The following RNF212 variants were observed in gnomAD, a reference collection of about 807,000 sequenced individuals.
The protein encoded by RNF212 is ring finger protein 212.
A neutral mutation model predicts 34.7 loss-of-function variants in RNF212; 33 were observed. That is an observed-to-expected ratio of 0.95 (90% CI 0.72 to 1.27). The LOEUF is 1.27. Among genes scored for constraint, RNF212 ranks in the 50% most tolerant of loss-of-function variants. The pLI is 0.00. For missense variants in RNF212, 377 were observed against 362.2 expected (o/e 1.04, Z -0.33); for synonymous variants, 140 against 136.1 (o/e 1.03, Z -0.20).
In RNF212 at chr4:1,059,018, T is replaced by C. The variant is rs200835789; in HGVS notation, n.148-625A>G. ...GCCTTGTAACATGAAAGGGGAGATG[T>C]GACGACTGAGTTCTCAAGCAACACC... On this transcript the variant is annotated intron_variant and non_coding_transcript_variant, in intron 3 of 4. Transcript: ENST00000503206. Among the ~76,000 whole-genome samples the C allele has an allele frequency of 6.4e-4, 98 of 152,350 alleles. 1 individual carries two copies. In the East Asian group the frequency reaches 0.017, roughly 26 times the overall value.
rs1560109428 is a variant in RNF212, at chr4:1,078,955, C to CGGG, written c.510+687_510+688insCCC. ...ACACAGGGTCAACACAGGACCAACA[C>CGGG]AGGACCAACATAGGACCAACACAGG... On this transcript the variant is annotated intron_variant, in intron 8 of 9. Coordinates refer to ENST00000433731, the MANE Select transcript of RNF212 (RefSeq NM_001131034.4). 1.8e-4 allele frequency among the ~76,000 whole-genome samples: 26 copies of CGGG among 142,560 alleles called. 1 individual carries two copies. The highest frequency in any genetic ancestry group is 4.2e-3 in the Middle Eastern group (1 of 240). 93.5% of individuals were successfully genotyped at this position (142,560 alleles called of 152,430 possible).
chr4:1,102,769 G>A lies in RNF212; in HGVS notation c.171+5574C>T, dbSNP rs1033958257. Reference sequence around the variant, plus strand: ...CGGGAGGCTGAGGCAGGGGAATGGCGTGAACCCGGGAGGTGGAGCTTGCAG... The same window carrying A: ...CGGGAGGCTGAGGCAGGGGAATGGCATGAACCCGGGAGGTGGAGCTTGCAG... On this transcript the variant is annotated intron_variant, in intron 2 of 9. Coordinates refer to ENST00000433731, the MANE Select transcript of RNF212 (RefSeq NM_001131034.4). 9.9e-5 allele frequency among the ~76,000 whole-genome samples: 15 copies of A among 151,696 alleles called. 1 individual carries two copies. Among genetic ancestry groups the A allele is most frequent in the Admixed American group, 9.9e-4 (15 of 15,202 alleles).
In RNF212 at chr4:1,072,502, G is replaced by A. The variant is rs1361881170; in HGVS notation, c.*372C>T. On this transcript the variant is annotated 3_prime_UTR_variant, in exon 10 of 10. Transcript: ENST00000433731. ...GATGGGGGAGCTGTGCGTGTGTGGA[G>A]TCATGGTGTATATGGGAAATCTGTA... The A allele has an allele frequency of 4.4e-6, 1 of 228,340 alleles. No homozygotes were observed. The highest frequency in any genetic ancestry group is 8.2e-6 in the Non-Finnish European group (1 of 122,548). The allele number at this position is 228,340 out of a possible 1,614,324, so 14.1% of individuals were successfully genotyped here.
intron 8 of RNF212, among the ~76,000 whole-genome samples, chr4:1,077,512 C>T (rs867996646): frequency 2.6e-5 from 4 of 152,152 alleles, no homozygotes; most frequent in African/African-American, 4.8e-5. Context: ...AAGTTATAGG[C>T]GTGAGCCCGA....
chr4:1,073,172 AAAG>A lies in RNF212; in HGVS notation c.593_595del (p.Ser198del). On this transcript the variant is annotated inframe_deletion, in exon 10 of 10. Transcript: ENST00000433731. ...CAAGGTCAACCATGGGATGAAACAG[AAAG>A]AAGCTGTTAGATGTGGCCCTGCGGG... 3.1e-6 allele frequency: 5 copies of A among 1,613,994 alleles called. No individual in the cohort carries two copies. Among genetic ancestry groups the A allele is most frequent in the African/African-American group, 1.3e-5 (1 of 75,018 alleles).
In RNF212 at chr4:1,096,837, G is replaced by A. The variant is rs4045481; in HGVS notation, c.174C>T (p.Thr58=). The stretch of plus-strand genomic sequence containing the variant: ...TGAAGAATGCCTGGATATCTGCGTC[G>A]GTCTGAAAGAGAAAGAAATGACTCT... ...PCRTVLLSKH[T]DADIQAFFMS... The change falls in exon 3 of 10, where the codon ACC becomes ACT. Residue 58 remains threonine, a splice_region_variant and synonymous_variant. Transcript: ENST00000433731. 1,054,991 of 1,601,476 alleles carry A rather than the reference G, an allele frequency of 0.66. 353,627 individuals are homozygous for A. Among genetic ancestry groups the A allele is most frequent in the Middle Eastern group, 0.69 (4,194 of 6,040 alleles).
At chr4:1,076,374 T>C (rs1159449273) in intron 8 of RNF212, among the ~76,000 whole-genome samples, 1 of 152,128 alleles carries the variant, frequency 6.6e-6, no homozygotes, top group Admixed American at 6.5e-5. Context: ...CTTCTCCGAG[T>C]CCACCCAATG....
At chr4:1,078,023 A>G (rs1219376335) in intron 8 of RNF212, among the ~76,000 whole-genome samples, 2 of 152,058 alleles carry the variant, frequency 1.3e-5, no homozygotes. Context: ...TCCCTACTGG[A>G]TCCAGTTCTG....
At chr4:1,111,086 G>T (rs560876989) in intron 1 of RNF212, among the ~76,000 whole-genome samples, 4 of 152,168 alleles carry the variant, frequency 2.6e-5, no homozygotes, top group Non-Finnish European at 4.4e-5. Flanking sequence ...TATCTTCGGG[G>T]AACATTATCT....
At chr4:1,056,864 G>C (rs1274196491) in intron 4 of RNF212, 3 of 987,984 alleles carry the variant, frequency 3.0e-6, no homozygotes, top group East Asian at 1.1e-4. Flanking sequence ...CAGCAGGCTG[G>C]GGATGCTGAT....
chr4:1,081,984 C>T (rs1420825683), intron 5 of RNF212: 5 of 288,336 alleles, frequency 1.7e-5, no homozygotes, highest in Non-Finnish European at 2.7e-5. Context: ...GCCATGGTGC[C>T]TCATGTCCAT....
At chr4:1,088,800 C>T (rs1721738349) in intron 4 of RNF212, among the ~76,000 whole-genome samples, 1 of 152,230 alleles carries the variant, frequency 6.6e-6, no homozygotes, top group Non-Finnish European at 1.5e-5. Flanking sequence ...GTCCAAGGTA[C>T]AATTTGGGCT....
chr4:1,058,741 C>G (rs1414162205), intron 3 of RNF212, among the ~76,000 whole-genome samples: 1 of 152,236 alleles, frequency 6.6e-6, no homozygotes, highest in Non-Finnish European at 1.5e-5. Flanking sequence ...TGGCCAGTCC[C>G]AGCTGAGTTT....
At chr4:1,077,634 TG>T (rs1719537145) in intron 8 of RNF212, among the ~76,000 whole-genome samples, 3 of 152,192 alleles carry the variant, frequency 2.0e-5, no homozygotes, top group Non-Finnish European at 4.4e-5. Flanking sequence ...CCTTAAGCTG[TG>T]GGGACTTGGA....
chr4:1,098,760 C>T lies in RNF212; in HGVS notation c.172-1921G>A, dbSNP rs115523265. ...AGCAGAAACAGCACCCCCTCAGCCCCGGCCATGGCAAGTAGCAGGTGACAC... is the reference window on the plus strand; with the variant it reads ...AGCAGAAACAGCACCCCCTCAGCCCTGGCCATGGCAAGTAGCAGGTGACAC... On this transcript the variant is annotated intron_variant, in intron 2 of 9. Transcript: ENST00000433731. Among the ~76,000 whole-genome samples, 1,174 of 152,290 alleles carry T rather than the reference C, an allele frequency of 7.7e-3. 11 individuals are homozygous for T. Among genetic ancestry groups the T allele is most frequent in the Middle Eastern group, 0.044 (13 of 294 alleles).
intron 7 of RNF212, 59 bp from the exon 8 acceptor site, chr4:1,079,747 A>C: frequency 9.1e-7 from 1 of 1,102,774 alleles, no homozygotes; most frequent in South Asian, 1.2e-5. Flanking sequence ...TAACAACGTC[A>C]GTTGAAATAC....
intron 5 of RNF212, among the ~76,000 whole-genome samples, chr4:1,083,562 C>A (rs181118113): frequency 6.6e-6 from 1 of 152,128 alleles, no homozygotes; most frequent in Non-Finnish European, 1.5e-5. Flanking sequence ...CGCTTGAACC[C>A]GGCAGGCGGA....
chr4:1,080,541 A>T (rs1424787361), intron 7 of RNF212, among the ~76,000 whole-genome samples: 1 of 152,088 alleles, frequency 6.6e-6, no homozygotes, highest in African/African-American at 2.4e-5. Flanking sequence ...GACCGTACAG[A>T]TGTACCACAG....
intron 2 of RNF212, among the ~76,000 whole-genome samples, chr4:1,100,548 C>T (rs1460561844): frequency 6.6e-6 from 1 of 152,004 alleles, no homozygotes; most frequent in East Asian, 1.9e-4. Flanking sequence ...ATTGGGATTA[C>T]AGGCGTGTGC....
Sources: gnomAD v4.1 joint callset for allele counts (sites outside exome capture counted in the v4.1 genomes callset) on GRCh38, gnomAD v4.1.1 for gene constraint, MANE v1.5 for transcripts, NCBI Gene and HGNC (gene_info 2026-07-23, HGNC 2026-07-21) for gene names.